PPP1R42: variants seen among roughly 807,000 people sequenced by gnomAD.
PPP1R42 encodes leucine rich repeat containing 67.
A neutral mutation model predicts 31.0 loss-of-function variants in PPP1R42; 34 were observed. The ratio of observed to expected loss-of-function variants is 1.10; its 90% CI spans 0.83 to 1.46. The LOEUF is 1.46. Among genes scored for constraint, PPP1R42 ranks in the 40% most tolerant of loss-of-function variants. The pLI is 0.00. For missense variants in PPP1R42, 268 were observed against 303.0 expected (o/e 0.88, Z 0.86); for synonymous variants, 103 against 109.8 (o/e 0.94, Z 0.39).
intron 5 of PPP1R42, among the ~76,000 whole-genome samples, chr8:66,996,271 C>T (rs1026607026): frequency 1.3e-5 from 2 of 152,132 alleles, no homozygotes; most frequent in East Asian, 1.9e-4. Context: ...AGGCTGGTCT[C>T]GAACTCGTGA....
chr8:66,987,285 AT>A (rs1815047974), intron 6 of PPP1R42, among the ~76,000 whole-genome samples: 1 of 130,292 alleles, frequency 7.7e-6, no homozygotes, highest in Non-Finnish European at 1.6e-5. Flanking sequence ...TTAGCAAATG[AT>A]CTTTTTTTTT....
At position 66,984,470 on chromosome 8, in the gene PPP1R42, C is replaced by T. The variant is rs1814941983; in HGVS notation, c.671-2290G>A. On this transcript the variant is annotated intron_variant, in intron 6 of 7. Coordinates refer to ENST00000685739, the MANE Select transcript of PPP1R42 (RefSeq NM_001364910.1). ...TTGACACCCTTGTGCAGTAACACCA[C>T]TCCTATCAGGTACAGTTGCCCAGCA... 3.9e-6 allele frequency: 5 copies of T among 1,284,702 alleles called. No individual in the cohort carries two copies. In the Admixed American group the frequency reaches 8.4e-5, roughly 22 times the overall value. 79.6% of individuals were successfully genotyped at this position (1,284,702 alleles called of 1,614,324 possible).
intron 5 of PPP1R42, among the ~76,000 whole-genome samples, chr8:66,991,735 C>T (rs1815194272): frequency 6.6e-6 from 1 of 152,144 alleles, no homozygotes; most frequent in Admixed American, 6.5e-5. Context: ...CTTCCATTTC[C>T]ATTTCCAGTA....
chr8:66,978,821 G>A (rs184272214), intron 7 of PPP1R42, among the ~76,000 whole-genome samples: 60 of 152,158 alleles, frequency 3.9e-4, no homozygotes, highest in Non-Finnish European at 7.1e-4. Context: ...AGTGATATTG[G>A]GCATATCTTT....
chr8:67,017,603 A>G lies in PPP1R42; in HGVS notation c.129+16T>C. 7.5e-7 allele frequency: 1 copy of G among 1,333,154 alleles called. No homozygotes were observed. Among genetic ancestry groups the G allele is most frequent in the Non-Finnish European group, 1.0e-6 (1 of 995,052 alleles). 82.6% of individuals were successfully genotyped at this position (1,333,154 alleles called of 1,614,324 possible). A position where few individuals can be genotyped will look rare whatever the true frequency, so the allele number is the denominator to read the frequency against. The stretch of plus-strand genomic sequence containing the variant: ...TATTAATTATATAAAATAGGAAATA[A>G]TTTCAAAGTTCTTACAATTGCATCT... On this transcript the variant is annotated intron_variant, in intron 2 of 7. Coordinates refer to ENST00000685739, the MANE Select transcript of PPP1R42 (RefSeq NM_001364910.1).
At chr8:66,992,574 G>A (rs1359029459) in intron 5 of PPP1R42, among the ~76,000 whole-genome samples, 1 of 152,220 alleles carries the variant, frequency 6.6e-6, no homozygotes. Flanking sequence ...TCCCTGGTGG[G>A]AGAACCTTGG....
intron 6 of PPP1R42, chr8:66,984,294 A>C (rs1814935854): frequency 7.4e-7 from 1 of 1,359,246 alleles, no homozygotes; most frequent in Admixed American, 1.7e-5. Context: ...AGAATAGTAC[A>C]CATTTGTTGG....
At chr8:66,984,467 C>T (rs1814941883) in intron 6 of PPP1R42, 8 of 1,284,944 alleles carry the variant, frequency 6.2e-6, no homozygotes, top group African/African-American at 1.5e-5. Context: ...TGCAGTAACA[C>T]CACTCCTATC....
chr8:66,985,749 C>T lies in PPP1R42; in HGVS notation c.670+2651G>A, dbSNP rs1319863173. 3 of 1,263,618 alleles carry T rather than the reference C, an allele frequency of 2.4e-6. No individual in the cohort carries two copies. The African/African-American group carries it at 4.4e-5, about 19-fold the overall frequency. The allele number at this position is 1,263,618 out of a possible 1,614,324, so 78.3% of individuals were successfully genotyped here. A position where few individuals can be genotyped will look rare whatever the true frequency, so the allele number is the denominator to read the frequency against. On this transcript the variant is annotated intron_variant, in intron 6 of 7. Transcript: ENST00000685739. ...GAGGTGTAGGGGGGCTAATGAAGCA[C>T]AGCTGTTTTTTCCTCTCCTGGATTT...
At position 66,968,826 on chromosome 8, in the gene PPP1R42, C is replaced by T. The variant is rs552469312; in HGVS notation, c.803-4492G>A. ...TATACTAAAACAATATTTTGGCATA[C>T]CTAAGGTGAAAGTATTGCCTGAGGA... On this transcript the variant is annotated intron_variant, in intron 7 of 7. Coordinates refer to ENST00000685739, the MANE Select transcript of PPP1R42 (RefSeq NM_001364910.1). Among the ~76,000 whole-genome samples, 18 of 152,172 alleles carry T rather than the reference C, an allele frequency of 1.2e-4. No individual in the cohort carries two copies. In the South Asian group the frequency reaches 2.7e-3, roughly 23 times the overall value.
At chr8:66,995,658 T>A (rs938032483) in intron 5 of PPP1R42, among the ~76,000 whole-genome samples, 4 of 152,206 alleles carry the variant, frequency 2.6e-5, no homozygotes, top group African/African-American at 4.8e-5. Context: ...AGGGATATGG[T>A]GATACACAAT....
chr8:66,992,265 A>G (rs576049093), intron 5 of PPP1R42, among the ~76,000 whole-genome samples: 1 of 152,186 alleles, frequency 6.6e-6, no homozygotes, highest in Non-Finnish European at 1.5e-5. Context: ...GGAAATCTCT[A>G]TTAAAGTTTC....
At chr8:67,011,150 C>G (rs1048752436) in intron 4 of PPP1R42, among the ~76,000 whole-genome samples, 12 of 152,028 alleles carry the variant, frequency 7.9e-5, no homozygotes, top group Middle Eastern at 3.2e-3. Flanking sequence ...AAAAAAGATG[C>G]CCCAATAAAC....
chr8:66,985,837 T>C lies in PPP1R42; in HGVS notation c.670+2563A>G. 2.5e-6 allele frequency: 3 copies of C among 1,221,268 alleles called. No homozygotes were observed. In the South Asian group the frequency reaches 4.0e-5, roughly 16 times the overall value. The allele number at this position is 1,221,268 out of a possible 1,614,324, so 75.7% of individuals were successfully genotyped here. A position where few individuals can be genotyped will look rare whatever the true frequency, so the allele number is the denominator to read the frequency against. ...CTTAGTCAGCATGCCAGGACTCTGATGGAGGCCCAGGGATCACCTCTGGCT... is the reference window on the plus strand; with the variant it reads ...CTTAGTCAGCATGCCAGGACTCTGACGGAGGCCCAGGGATCACCTCTGGCT... On this transcript the variant is annotated intron_variant, in intron 6 of 7. Transcript: ENST00000685739.
rs774838939 is a variant in PPP1R42 at position 67,017,662 on chromosome 8, T to G, written c.86A>C (p.Lys29Thr). The G allele has an allele frequency of 2.5e-6, 4 of 1,586,742 alleles. No individual in the cohort carries two copies. The African/African-American group carries it at 5.4e-5, about 21-fold the overall frequency. The change falls in exon 2 of 8, where the codon AAA (lysine) becomes ACA (threonine). Residue 29 changes from lysine (K) to threonine (T), a missense_variant. Coordinates refer to ENST00000685739, the MANE Select transcript of PPP1R42 (RefSeq NM_001364910.1). ...KEETISQCLK[K>T]ITHINFSDKN... ...GTCTGAAAAATTTATATGAGTTATT[T>G]TCTTCAGGCACTGTGAAATGGTTTC...
rs185168302 is a variant in PPP1R42, at chr8:67,013,283, T to A, written c.297-187A>T. 2.7e-3 allele frequency among the ~76,000 whole-genome samples: 408 copies of A among 152,248 alleles called. 2 individuals carry two copies. The highest frequency in any genetic ancestry group is 9.6e-3 in the African/African-American group (398 of 41,548). ...GAACAAATTATATTCTTACACTTAA[T>A]TTAGTCTAAAAGTACATTTTTTTTT... is the stretch of plus-strand genomic sequence containing the variant. On this transcript the variant is annotated intron_variant, in intron 3 of 7. Transcript: ENST00000685739.
At chr8:67,023,802 G>A (rs1816295959) in intron 1 of PPP1R42, among the ~76,000 whole-genome samples, 1 of 151,432 alleles carries the variant, frequency 6.6e-6, no homozygotes, top group African/African-American at 2.4e-5. Flanking sequence ...GATATCTGCT[G>A]TAAGTTTTTT....
At chr8:66,990,001 G>A (rs998119263) in intron 5 of PPP1R42, among the ~76,000 whole-genome samples, 2 of 152,144 alleles carry the variant, frequency 1.3e-5, no homozygotes, top group African/African-American at 4.8e-5. Flanking sequence ...TTTTAAGTAA[G>A]GAAGAAGAAA....
At chr8:67,023,648 C>G (rs11785782) in intron 1 of PPP1R42, among the ~76,000 whole-genome samples, 35,752 of 151,866 alleles carry the variant, frequency 0.24, 4,989 homozygotes, top group East Asian at 0.37. Context: ...CTTCCCAAAC[C>G]TTTTATCTCT....
Sources: allele counts gnomAD v4.1 joint callset (sites outside exome capture counted in the v4.1 genomes callset), GRCh38; gene constraint gnomAD v4.1.1; transcripts MANE v1.5; gene names NCBI Gene and HGNC (gene_info 2026-07-23, HGNC 2026-07-21).